The following ANO6 variants were observed in gnomAD, a reference collection of about 807,000 sequenced individuals.
ANO6 encodes anoctamin 6.
Under a neutral mutation model 117.5 loss-of-function variants are expected in ANO6, and 106 were observed. The ratio of observed to expected loss-of-function variants is 0.90; its 90% CI spans 0.77 to 1.06. The LOEUF is 1.06. ANO6 is among the 50% of genes least tolerant of loss of function. ANO6 has a pLI of 0.00. For synonymous variants in ANO6, 367 were observed against 385.1 expected, an observed-to-expected ratio of 0.95 and a Z score of 0.55; for missense variants, 955 against 1,121.1, an observed-to-expected ratio of 0.85 and a Z score of 2.12.
intron 18 of ANO6, among the ~76,000 whole-genome samples, chr12:45,422,537 T>C (rs1054259027): frequency 6.6e-6 from 1 of 152,088 alleles, no homozygotes; most frequent in Non-Finnish European, 1.5e-5. Context: ...AGAAAATGTA[T>C]GTGATGTCCA....
At chr12:45,379,987 C>A (rs571379821) in intron 10 of ANO6, among the ~76,000 whole-genome samples, 52 of 152,328 alleles carry the variant, frequency 3.4e-4, no homozygotes, top group Non-Finnish European at 6.8e-4. Context: ...AATTGCAGAA[C>A]CAAACAGGCT....
chr12:45,331,480 ACTG>A (rs1222931060), intron 3 of ANO6, 57 bp downstream of exon 3: 80 of 1,471,850 alleles, frequency 5.4e-5, no homozygotes, highest in Non-Finnish European at 7.0e-5. Flanking sequence ...ACATGAAAAA[ACTG>A]CTATTTTGTA....
In ANO6 at chr12:45,309,336, C is replaced by T. The variant is rs185273091; in HGVS notation, c.150+7243C>T. 2.9e-3 allele frequency among the ~76,000 whole-genome samples: 438 copies of T among 152,156 alleles called. 2 individuals are homozygous for T. The highest frequency in any genetic ancestry group is 4.8e-3 in the Non-Finnish European group (328 of 68,004). Reference sequence around the variant, plus strand: ...CAGCTGGGAATTTGGAAATTATAGACTTTAGGAAGCTTTGGGGTTGTATTC... The same window carrying T: ...CAGCTGGGAATTTGGAAATTATAGATTTTAGGAAGCTTTGGGGTTGTATTC... On this transcript the variant is annotated intron_variant, in intron 2 of 19. Transcript: ENST00000320560.
downstream of ANO6, among the ~76,000 whole-genome samples, chr12:45,432,960 TGC>T (rs1416769567): frequency 1.3e-5 from 2 of 152,196 alleles, no homozygotes; most frequent in African/African-American, 4.8e-5. Flanking sequence ...AGAGCCAGCC[TGC>T]AGTAGGTTAT....
At chr12:45,380,337 C>CT (rs1473181216) in intron 10 of ANO6, among the ~76,000 whole-genome samples, 1 of 152,208 alleles carries the variant, frequency 6.6e-6, no homozygotes, top group Non-Finnish European at 1.5e-5. Flanking sequence ...GGCTGCATGA[C>CT]TGCAATGTTT....
At chr12:45,388,382 T>G in intron 11 of ANO6, 79 bp downstream of exon 11, 2 of 1,566,698 alleles carry the variant, frequency 1.3e-6, no homozygotes, top group Non-Finnish European at 1.8e-6. Context: ...TTAGAATCAC[T>G]TGGGGGAGCT....
At position 45,319,577 on chromosome 12, in the gene ANO6, T is replaced by G. The variant is rs553580326; in HGVS notation, c.151-11718T>G. Among the ~76,000 whole-genome samples the G allele has an allele frequency of 6.6e-5, 10 of 152,218 alleles. No individual in the cohort carries two copies. In the East Asian group the frequency reaches 1.9e-3, roughly 29 times the overall value. On this transcript the variant is annotated intron_variant, in intron 2 of 19. Coordinates refer to ENST00000320560, the MANE Select transcript of ANO6 (RefSeq NM_001025356.3). ...ATCAGGGATATTGGTCTAAAATTCT[T>G]TTTTTGTTGTTGTGTCTCTGCCAGG...
intron 15 of ANO6, among the ~76,000 whole-genome samples, chr12:45,406,069 TCTTC>T (rs1454007641): frequency 6.6e-6 from 1 of 152,228 alleles, no homozygotes; most frequent in Non-Finnish European, 1.5e-5. Flanking sequence ...TGTACCCTCC[TCTTC>T]CTTCCTTCCT....
At chr12:45,425,454 G>A (rs1447332133) in intron 19 of ANO6, among the ~76,000 whole-genome samples, 1 of 152,054 alleles carries the variant, frequency 6.6e-6, no homozygotes, top group Non-Finnish European at 1.5e-5. Flanking sequence ...AGGAAAATGC[G>A]GCACACCAAA....
At chr12:45,371,212 G>A (rs1477495751) in intron 9 of ANO6, among the ~76,000 whole-genome samples, 4 of 152,186 alleles carry the variant, frequency 2.6e-5, no homozygotes, top group Admixed American at 6.5e-5. Flanking sequence ...AGGGTCCTAC[G>A]CCCATGGAGT....
At chr12:45,404,818 G>A (rs1018606625) in intron 15 of ANO6, among the ~76,000 whole-genome samples, 5 of 151,944 alleles carry the variant, frequency 3.3e-5, no homozygotes, top group East Asian at 1.9e-4. Context: ...ACAGGCTCTC[G>A]CCTCCTGCCA....
intron 9 of ANO6, among the ~76,000 whole-genome samples, chr12:45,368,942 A>T (rs1288339781): frequency 6.6e-6 from 1 of 152,198 alleles, no homozygotes; most frequent in Non-Finnish European, 1.5e-5. Flanking sequence ...TATCTGGGAG[A>T]TCAAATAACC....
At chr12:45,361,088 G>C (rs1334787821) in intron 8 of ANO6, among the ~76,000 whole-genome samples, 1 of 152,034 alleles carries the variant, frequency 6.6e-6, no homozygotes, top group Middle Eastern at 3.2e-3. Flanking sequence ...TCTATTTCTA[G>C]GATTTTGATA....
intron 10 of ANO6, among the ~76,000 whole-genome samples, chr12:45,379,871 T>C (rs1942125087): frequency 6.6e-6 from 1 of 152,242 alleles, no homozygotes; most frequent in Admixed American, 6.5e-5. Flanking sequence ...GCATCGTATG[T>C]ATATTTTTAA....
intron 14 of ANO6, 49 bp from the exon 15 acceptor site, chr12:45,403,390 A>G (rs1326449135): frequency 1.3e-6 from 2 of 1,548,502 alleles, no homozygotes; most frequent in East Asian, 2.2e-5. Context: ...CTATATTTCA[A>G]GTTAGATCCA....
chr12:45,239,206 C>T (rs1408954726), intron 1 of ANO6, among the ~76,000 whole-genome samples: 1 of 152,164 alleles, frequency 6.6e-6, no homozygotes, highest in Non-Finnish European at 1.5e-5. Flanking sequence ...AAATTATTGC[C>T]TCAATTTCAG....
At chr12:45,437,961 C>T (rs1247852175) in intron 19 of ANO6, among the ~76,000 whole-genome samples, 1 of 152,158 alleles carries the variant, frequency 6.6e-6, no homozygotes, top group African/African-American at 2.4e-5. Flanking sequence ...TTTAAGTTGG[C>T]TAGTAAAACT....
At chr12:45,377,940 G>A (rs964347671) in intron 9 of ANO6, 113 bp from the exon 10 acceptor site, 1 of 933,658 alleles carries the variant, frequency 1.1e-6, no homozygotes, top group South Asian at 1.3e-5. Flanking sequence ...GTTAAACTAG[G>A]CATCACCTTT....
intron 8 of ANO6, among the ~76,000 whole-genome samples, chr12:45,363,437 G>A (rs913931079): frequency 2.8e-4 from 43 of 151,888 alleles, no homozygotes; most frequent in African/African-American, 9.0e-4. Flanking sequence ...GGTGACATGC[G>A]CCTGTGGTCC....
Sources: allele counts gnomAD v4.1 joint callset (sites outside exome capture counted in the v4.1 genomes callset), GRCh38; gene constraint gnomAD v4.1.1; transcripts MANE v1.5; gene names NCBI Gene and HGNC (gene_info 2026-07-23, HGNC 2026-07-21).